Variants in KAT6B observed in about 807,000 individuals in gnomAD.
The protein encoded by KAT6B is lysine acetyltransferase 6B.
A neutral mutation model predicts 187.5 loss-of-function variants in KAT6B; 10 were observed. The observed-to-expected ratio is 0.05, with a 90% confidence interval of 0.03 to 0.09. The LOEUF (loss-of-function observed/expected upper bound fraction) is 0.09. KAT6B is among the 10% of genes least tolerant of loss of function. The probability of loss-of-function intolerance (pLI) is 1.00; values close to 1 mark genes in which losing one functional copy is unlikely to be tolerated. For synonymous variants in KAT6B, 861 were observed against 926.8 expected (o/e 0.93, Z 1.29); for missense variants, 1,952 against 2,558.9 (o/e 0.76, Z 5.12).
intron 3 of KAT6B, 116 bp from the exon 4 acceptor site, chr10:74,959,854 T>C: frequency 1.4e-6 from 1 of 731,952 alleles, no homozygotes; most frequent in Non-Finnish European, 2.4e-6. Flanking sequence ...TTAGCAGTTT[T>C]TCTTTGTTAA....
At chr10:74,993,293 C>T (rs1843225732) in intron 13 of KAT6B, among the ~76,000 whole-genome samples, 1 of 152,198 alleles carries the variant, frequency 6.6e-6, no homozygotes. Flanking sequence ...TAATTTCAGA[C>T]TTAGAGAAAA....
At chr10:74,970,915 T>A (rs539360203) in intron 6 of KAT6B, among the ~76,000 whole-genome samples, 146 of 152,294 alleles carry the variant, frequency 9.6e-4, no homozygotes, top group South Asian at 2.1e-3. Flanking sequence ...ACATAGTTTT[T>A]AATAAGTATG....
At position 74,840,263 on chromosome 10, in the gene KAT6B, A is replaced by G. The variant is rs200916854; in HGVS notation, c.-259+1511A>G. 4.6e-5 allele frequency among the ~76,000 whole-genome samples: 7 copies of G among 152,370 alleles called. No homozygotes were observed. In the East Asian group the frequency reaches 1.3e-3, roughly 29 times the overall value. The stretch of plus-strand genomic sequence containing the variant: ...CCAATAGCCAAACTAGTGAGCAACC[A>G]AGAGAAAGTGGTGCTTTGAAACAAT... On this transcript the variant is annotated intron_variant, in intron 2 of 17. Coordinates refer to ENST00000287239, the MANE Select transcript of KAT6B (RefSeq NM_012330.4).
chr10:75,017,671 G>A (rs776838734), intron 13 of KAT6B, among the ~76,000 whole-genome samples: 14 of 151,982 alleles, frequency 9.2e-5, no homozygotes, highest in Non-Finnish European at 4.4e-5. Flanking sequence ...TTAAAACATC[G>A]CATGTTATGA....
intron 13 of KAT6B, among the ~76,000 whole-genome samples, chr10:75,017,867 A>C (rs1442976422): frequency 6.6e-6 from 1 of 152,198 alleles, no homozygotes; most frequent in Non-Finnish European, 1.5e-5. Flanking sequence ...AGGAATCAGA[A>C]ATGTATCTTT....
intron 3 of KAT6B, among the ~76,000 whole-genome samples, chr10:74,897,407 G>A (rs915054451): frequency 3.3e-5 from 5 of 152,210 alleles, no homozygotes; most frequent in African/African-American, 9.7e-5. Context: ...GGGGAAGAAT[G>A]CACACTGCTG....
chr10:74,874,736 T>C (rs1316199767), intron 3 of KAT6B, among the ~76,000 whole-genome samples: 1 of 152,154 alleles, frequency 6.6e-6, no homozygotes, highest in Non-Finnish European at 1.5e-5. Flanking sequence ...TTAGCAAATA[T>C]TGAGTACTTG....
chr10:75,024,937 T>TA (rs1394699413), intron 16 of KAT6B, 21 bp from the exon 17 acceptor site: 6 of 1,611,794 alleles, frequency 3.7e-6, no homozygotes, highest in Non-Finnish European at 5.1e-6. Flanking sequence ...TCTTATGTGT[T>TA]ATGTTTGGAA....
chr10:74,905,088 G>C (rs968322771), intron 3 of KAT6B, among the ~76,000 whole-genome samples: 2 of 152,166 alleles, frequency 1.3e-5, no homozygotes, highest in African/African-American at 4.8e-5. Flanking sequence ...CTCTCAATAT[G>C]ATGATGTCCA....
At chr10:75,013,830 C>T (rs904026791) in intron 13 of KAT6B, among the ~76,000 whole-genome samples, 9 of 152,178 alleles carry the variant, frequency 5.9e-5, no homozygotes, top group Admixed American at 2.0e-4. Context: ...TGAGGTCACA[C>T]AGCTGGTACA....
Position 75,029,643 on chromosome 10 carries a change from C to T in KAT6B, c.4819C>T (p.Pro1607Ser). 6.2e-7 allele frequency: 1 copy of T among 1,614,198 alleles called. No homozygotes were observed. Among genetic ancestry groups the T allele is most frequent in the Non-Finnish European group, 8.5e-7 (1 of 1,180,032 alleles). Residue 1607 changes from proline (P) to serine (S), a missense_variant, in exon 18 of 18, where the codon CCT (proline) becomes TCT (serine). Physicochemically the swap from Pro to Ser is moderately conservative, Grantham distance 74 (BLOSUM62 -1). This residue lies in a region of KAT6B where 758 missense variants were observed against 891.4 expected (regional missense o/e 0.85). Transcript: ENST00000287239. This position sits in a 1 kb window ranked among gnomAD's most constrained non-coding sequence, Gnocchi z 6.2. ...CCCAGTTTCATCCGTCCACTCCCAT[C>T]CTGGCCAGTCCGTACGTTCTGTCAA... ...SSPVSSVHSH[P>S]GQSVRSVNSP...
intron 12 of KAT6B, among the ~76,000 whole-genome samples, chr10:74,986,213 A>G (rs1842797010): frequency 1.3e-5 from 2 of 152,200 alleles, no homozygotes; most frequent in African/African-American, 4.8e-5. Flanking sequence ...CTAAGAAACA[A>G]TAACTCCTTT....
chr10:74,960,624 A>G (rs1841035615), intron 4 of KAT6B, among the ~76,000 whole-genome samples: 1 of 151,970 alleles, frequency 6.6e-6, no homozygotes, highest in African/African-American at 2.4e-5. Context: ...GTCTTGAGAT[A>G]TACTGGCTAG....
chr10:74,887,021 G>T (rs1269103065), intron 3 of KAT6B, among the ~76,000 whole-genome samples: 1 of 152,160 alleles, frequency 6.6e-6, no homozygotes, highest in Non-Finnish European at 1.5e-5. Flanking sequence ...ATCTCATAGT[G>T]CAGGTGTGAA....
chr10:74,911,801 C>T (rs1031942364), intron 3 of KAT6B, among the ~76,000 whole-genome samples: 6 of 151,866 alleles, frequency 4.0e-5, no homozygotes, highest in African/African-American at 1.5e-4. Context: ...TGTACTGTTT[C>T]ATTTTTAAAT....
At chr10:74,981,355 C>G (rs1017366715) in intron 10 of KAT6B, among the ~76,000 whole-genome samples, 2 of 144,692 alleles carry the variant, frequency 1.4e-5, no homozygotes, top group Non-Finnish European at 3.0e-5. Context: ...TCCTTTCTTT[C>G]CTTTCTTTCC....
intron 3 of KAT6B, among the ~76,000 whole-genome samples, chr10:74,948,715 C>G (rs1840113253): frequency 6.6e-6 from 1 of 152,204 alleles, no homozygotes; most frequent in African/African-American, 2.4e-5. Context: ...AGTATCAGCT[C>G]TTGCTTGTGT....
At chr10:74,876,650 A>C (rs1844433490) in intron 3 of KAT6B, among the ~76,000 whole-genome samples, 1 of 152,102 alleles carries the variant, frequency 6.6e-6, no homozygotes. Context: ...GTGGTGGCTC[A>C]TGCCTGTAAT....
chr10:74,856,051 C>T (rs1367875175), intron 3 of KAT6B, among the ~76,000 whole-genome samples: 2 of 152,064 alleles, frequency 1.3e-5, no homozygotes, highest in Non-Finnish European at 2.9e-5. Context: ...AACTGACAGT[C>T]CATATTTCCC....
Sources: allele counts gnomAD v4.1 joint callset (sites outside exome capture counted in the v4.1 genomes callset), GRCh38; gene constraint gnomAD v4.1.1; regional missense constraint gnomAD v4.1.1; non-coding constraint Gnocchi (gnomAD v3.1); transcripts MANE v1.5; gene names NCBI Gene and HGNC (gene_info 2026-07-23, HGNC 2026-07-21).